LDB3: variants seen among roughly 807,000 people sequenced by gnomAD.
The protein encoded by LDB3 is LIM domain binding 3, also known as LIM domain-binding protein 3.
A neutral mutation model predicts 69.0 loss-of-function variants in LDB3; 49 were observed. The observed-to-expected ratio is 0.71, with a 90% CI of 0.56 to 0.90. The LOEUF is 0.90. Ranked by LOEUF, LDB3 falls within the 40% of genes least tolerant of loss-of-function variation. LDB3 has a pLI of 0.00. For synonymous variants in LDB3, 387 were observed against 396.2 expected (o/e 0.98, Z 0.28); for missense variants, 928 against 974.1 (o/e 0.95, Z 0.63).
At chr10:86,727,679 G>A (rs548197795) in intron 13 of LDB3, among the ~76,000 whole-genome samples, 28 of 152,254 alleles carry the variant, frequency 1.8e-4, no homozygotes, top group Non-Finnish European at 2.9e-4. Flanking sequence ...GTCTCTCTCC[G>A]AGCTACTAGC....
Position 86,681,470 on chromosome 10 carries a change from C to T in LDB3, c.356C>T (p.Ala119Val), listed in dbSNP as rs397517223. 14 of 1,606,730 alleles carry T rather than the reference C, an allele frequency of 8.7e-6. No individual in the cohort carries two copies. The highest frequency in any genetic ancestry group is 1.2e-5 in the Non-Finnish European group (14 of 1,179,802). Residue 119 changes from alanine to valine, a missense_variant, in exon 5 of 14, where the codon GCA (alanine) becomes GTA (valine). Transcript: ENST00000361373. Reference protein sequence around the residue: ...PALDTNGSLVAPSPSPEARAS... With the variant: ...PALDTNGSLVVPSPSPEARAS... ...CTGGACACGAACGGCAGCCTGGTGG[C>T]ACCCAGCCCCAGCCCTGAGGCGAGG...
intron 3 of LDB3, 91 bp downstream of exon 3, chr10:86,679,609 T>A: frequency 7.0e-7 from 1 of 1,427,462 alleles, no homozygotes; most frequent in Non-Finnish European, 9.8e-7. Context: ...AGCAATTGAG[T>A]GGGCCCCGCC....
intron 9 of LDB3, 94 bp downstream of exon 9, chr10:86,710,144 A>T: frequency 6.4e-7 from 1 of 1,559,622 alleles, no homozygotes; most frequent in Non-Finnish European, 8.6e-7. Flanking sequence ...GCACATCCCC[A>T]GAAGAATGGG....
chr10:86,674,130 C>A (rs1844641029), intron 2 of LDB3, among the ~76,000 whole-genome samples: 1 of 152,292 alleles, frequency 6.6e-6, no homozygotes, highest in African/African-American at 2.4e-5. Context: ...ATGTAGCCAG[C>A]CAGCCTCACA....
At position 86,679,548 on chromosome 10, in the gene LDB3, G is replaced by A. The variant is rs186522326; in HGVS notation, c.245+30G>A. ...GTGGGAGCTCTCCAGAGCAGGGGGC[G>A]GAGGTTTGGGTGTGGGCATGGGGCA... On this transcript the variant is annotated intron_variant, in intron 3 of 13. Transcript: ENST00000361373. 36 of 1,612,468 alleles carry A rather than the reference G, an allele frequency of 2.2e-5. No individual in the cohort carries two copies. In the East Asian group the frequency reaches 2.9e-4, roughly 13 times the overall value.
chr10:86,679,146 C>G lies in LDB3; in HGVS notation c.94-221C>G, dbSNP rs545434668. 3.3e-5 allele frequency among the ~76,000 whole-genome samples: 5 copies of G among 152,284 alleles called. No homozygotes were observed. The East Asian group carries it at 9.6e-4, about 29-fold the overall frequency. ...TCCACCCTCATTCAGTTGGCCAGAGCTAGTCCCAAGGCTGCAGTCAGACAC... is the reference window on the plus strand; with the variant it reads ...TCCACCCTCATTCAGTTGGCCAGAGGTAGTCCCAAGGCTGCAGTCAGACAC... On this transcript the variant is annotated intron_variant, in intron 2 of 13. Coordinates refer to ENST00000361373, the MANE Select transcript of LDB3 (RefSeq NM_007078.3).
intron 10 of LDB3, among the ~76,000 whole-genome samples, chr10:86,717,697 A>G (rs1044735340): frequency 1.3e-5 from 2 of 152,234 alleles, no homozygotes; most frequent in Non-Finnish European, 2.9e-5. Flanking sequence ...TACTATCATT[A>G]TCAGTGGTCA....
rs764620834 is a variant in LDB3 at position 86,687,278 on chromosome 10, C to T, written c.690-4618C>T. The stretch of plus-strand genomic sequence containing the variant: ...CAAGGCAGTGACTTCAGTGGGTAAG[C>T]GCCTCCCTCCTCCACCGCCACTCAG... On this transcript the variant is annotated intron_variant, in intron 5 of 13. Coordinates refer to ENST00000361373, the MANE Select transcript of LDB3 (RefSeq NM_007078.3). 1.9e-6 allele frequency: 3 copies of T among 1,613,522 alleles called. No individual in the cohort carries two copies. The highest frequency in any genetic ancestry group is 1.3e-5 in the African/African-American group (1 of 74,922).
intron 12 of LDB3, among the ~76,000 whole-genome samples, chr10:86,719,306 C>T (rs1340542888): frequency 6.6e-6 from 1 of 151,776 alleles, no homozygotes; most frequent in African/African-American, 2.4e-5. Flanking sequence ...GTGGGAGGGT[C>T]GCTTGAGTCC....
intron 2 of LDB3, among the ~76,000 whole-genome samples, chr10:86,675,619 C>G (rs931440473): frequency 2.6e-5 from 4 of 152,244 alleles, no homozygotes; most frequent in African/African-American, 9.6e-5. Flanking sequence ...GGGCAGTTCA[C>G]TAGGACAGAA....
chr10:86,709,193 C>T (rs1435258651), intron 8 of LDB3, among the ~76,000 whole-genome samples: 1 of 152,170 alleles, frequency 6.6e-6, no homozygotes, highest in Non-Finnish European at 1.5e-5. Context: ...GCCTTCAGCT[C>T]TCTGGGAGGA....
chr10:86,722,248 T>G (rs1319248104), intron 12 of LDB3, among the ~76,000 whole-genome samples: 1 of 152,186 alleles, frequency 6.6e-6, no homozygotes, highest in African/African-American at 2.4e-5. Context: ...AGAGGTAAAT[T>G]CAAGCCTTTG....
chr10:86,720,077 G>C (rs1384751928), intron 12 of LDB3, among the ~76,000 whole-genome samples: 2 of 152,200 alleles, frequency 1.3e-5, no homozygotes, highest in African/African-American at 2.4e-5. Flanking sequence ...AAATCAGAAA[G>C]GAGAAAACAT....
In LDB3 at chr10:86,706,338, G is replaced by A. The variant is rs1291473271; in HGVS notation, c.897-193G>A. Among the ~76,000 whole-genome samples, 4 of 152,300 alleles carry A rather than the reference G, an allele frequency of 2.6e-5. No individual in the cohort carries two copies. The East Asian group carries it at 7.7e-4, about 29-fold the overall frequency. ...GAACCCTCCTGTGGTCTGAGCCTCTGCTCCTGGGATCCTGGAGGAGCTCCT... is the reference window on the plus strand; with the variant it reads ...GAACCCTCCTGTGGTCTGAGCCTCTACTCCTGGGATCCTGGAGGAGCTCCT... On this transcript the variant is annotated intron_variant, in intron 7 of 13. Coordinates refer to ENST00000361373, the MANE Select transcript of LDB3 (RefSeq NM_007078.3).
rs549773947 is a variant in LDB3 at position 86,689,938 on chromosome 10, C to G, written c.690-1958C>G. Among the ~76,000 whole-genome samples the G allele has an allele frequency of 7.9e-5, 12 of 152,344 alleles. 1 individual carries two copies. The South Asian group carries it at 2.5e-3, about 32-fold the overall frequency. On this transcript the variant is annotated intron_variant, in intron 5 of 13. Transcript: ENST00000361373. ...TTCCATCTTCCCTGCATATATTCTC[C>G]CTGAGCCTTGGTGTCATGAAAGGCA...
At chr10:86,668,466 G>A (rs1006975480), upstream of LDB3, 14 of 620,416 alleles carry the variant, frequency 2.3e-5, no homozygotes, top group South Asian at 1.6e-4. Flanking sequence ...ATTTATGGGC[G>A]CAGCCGAAGG....
At position 86,679,316 on chromosome 10, in the gene LDB3, C is replaced by T. The variant is rs775998307; in HGVS notation, c.94-51C>T. On this transcript the variant is annotated intron_variant, in intron 2 of 13. Coordinates refer to ENST00000361373, the MANE Select transcript of LDB3 (RefSeq NM_007078.3). ...GACTCTTCCCCAAGGACTGGCCTTT[C>T]CTCAGGACCACCTTCCTTATGCTCA... is the stretch of plus-strand genomic sequence containing the variant. The T allele has an allele frequency of 3.0e-5, 48 of 1,612,056 alleles. No homozygotes were observed. The South Asian group carries it at 3.2e-4, about 11-fold the overall frequency.
chr10:86,724,621 AAAATAAAT>A (rs913520797), intron 12 of LDB3, among the ~76,000 whole-genome samples: 1 of 151,622 alleles, frequency 6.6e-6, no homozygotes, highest in Non-Finnish European at 1.5e-5. Context: ...ATAAAAATAA[AAAATAAAT>A]AAATAAATAA....
intron 5 of LDB3, chr10:86,685,556 A>T (rs1441665710): frequency 2.2e-6 from 2 of 923,420 alleles, no homozygotes; most frequent in Non-Finnish European, 3.6e-6. Context: ...CTCCTCACCC[A>T]TTGCGGTTTG....
Sources: gnomAD v4.1 joint callset for allele counts (sites outside exome capture counted in the v4.1 genomes callset) on GRCh38, gnomAD v4.1.1 for gene constraint, MANE v1.5 for transcripts, NCBI Gene and HGNC (gene_info 2026-07-23, HGNC 2026-07-21) for gene names.